The following EPHB1 variants were observed in gnomAD, a reference collection of about 807,000 sequenced individuals.
The protein encoded by EPHB1 is ephrin type-B receptor 1.
EPHB1 carries 30 observed loss-of-function variants against 94.4 expected under a neutral mutation model. That is an observed-to-expected ratio of 0.32 (90% CI 0.24 to 0.43). The LOEUF is 0.43. Ranked by LOEUF, EPHB1 falls within the 20% of genes least tolerant of loss-of-function variation. The pLI is 1.00. For missense variants in EPHB1, 1,055 were observed against 1,308.3 expected (o/e 0.81, Z 2.99); for synonymous variants, 522 against 489.1 (o/e 1.07, Z -0.89).
At chr3:135,052,810 A>G (rs1365763592) in intron 3 of EPHB1, among the ~76,000 whole-genome samples, 1 of 132,306 alleles carries the variant, frequency 7.6e-6, no homozygotes, top group African/African-American at 2.9e-5. Context: ...GCAGTGAGCC[A>G]AGATCATGCC....
intron 3 of EPHB1, among the ~76,000 whole-genome samples, chr3:134,983,322 T>C (rs1475347848): frequency 1.3e-5 from 2 of 152,384 alleles, no homozygotes; most frequent in East Asian, 3.9e-4. Flanking sequence ...AAGTGCTTAA[T>C]TGCATTTGCT....
At chr3:135,212,521 TG>T (rs2107716641) in intron 12 of EPHB1, among the ~76,000 whole-genome samples, 1 of 152,346 alleles carries the variant, frequency 6.6e-6, no homozygotes, top group South Asian at 2.1e-4. Context: ...CAGCTCTTTA[TG>T]GTTTTCAATC....
At chr3:134,803,220 C>T (rs567886806) in intron 1 of EPHB1, among the ~76,000 whole-genome samples, 5 of 152,314 alleles carry the variant, frequency 3.3e-5, no homozygotes, top group African/African-American at 1.2e-4. Flanking sequence ...TCTCATCTCT[C>T]CCCTCCCACT....
chr3:134,796,623 C>T (rs1275010868), intron 1 of EPHB1, among the ~76,000 whole-genome samples: 2 of 152,260 alleles, frequency 1.3e-5, no homozygotes, highest in Non-Finnish European at 2.9e-5. Flanking sequence ...GGCCCAGCTC[C>T]CCGCCTCCCG....
chr3:135,200,525 A>G (rs1942725541), intron 11 of EPHB1, among the ~76,000 whole-genome samples: 2 of 152,348 alleles, frequency 1.3e-5, no homozygotes, highest in Admixed American at 1.3e-4. Flanking sequence ...GGTGCTTTAC[A>G]TGCTTGATTT....
At chr3:135,218,321 C>T (rs1467677848) in intron 12 of EPHB1, among the ~76,000 whole-genome samples, 1 of 152,216 alleles carries the variant, frequency 6.6e-6, no homozygotes, top group Non-Finnish European at 1.5e-5. Context: ...TTGGCTCCTC[C>T]TTGCTCTGAT....
intron 9 of EPHB1, among the ~76,000 whole-genome samples, chr3:135,175,042 C>G (rs756481956): frequency 6.6e-6 from 1 of 152,160 alleles, no homozygotes; most frequent in Non-Finnish European, 1.5e-5. Context: ...TTTGTACTTC[C>G]TGAATGCACA....
intron 3 of EPHB1, among the ~76,000 whole-genome samples, chr3:135,084,259 A>T (rs1296512124): frequency 6.6e-6 from 1 of 152,182 alleles, no homozygotes. Flanking sequence ...TCTCTCCAGG[A>T]GGCCCAAATC....
chr3:134,871,803 C>T (rs894638454), intron 1 of EPHB1, among the ~76,000 whole-genome samples: 2 of 152,122 alleles, frequency 1.3e-5, no homozygotes, highest in South Asian at 2.1e-4. Flanking sequence ...TCCAAATGGG[C>T]GCTGCTCTTC....
intron 3 of EPHB1, among the ~76,000 whole-genome samples, chr3:135,020,473 C>T (rs945085055): frequency 6.6e-6 from 1 of 152,210 alleles, no homozygotes; most frequent in African/African-American, 2.4e-5. Context: ...ATCCATTTGC[C>T]ATCTCTATGG....
chr3:135,093,120 T>A (rs1199765981), intron 3 of EPHB1, among the ~76,000 whole-genome samples: 1 of 152,192 alleles, frequency 6.6e-6, no homozygotes, highest in Non-Finnish European at 1.5e-5. Flanking sequence ...CAGAAAGTGC[T>A]CCCCAGATGT....
intron 3 of EPHB1, among the ~76,000 whole-genome samples, chr3:135,083,059 C>G (rs1034603398): frequency 6.6e-6 from 1 of 152,156 alleles, no homozygotes; most frequent in African/African-American, 2.4e-5. Flanking sequence ...AAAGCCATGT[C>G]CAGCTGTGTT....
chr3:135,033,628 C>T (rs918570244), intron 3 of EPHB1, among the ~76,000 whole-genome samples: 45 of 152,266 alleles, frequency 3.0e-4, no homozygotes, highest in African/African-American at 9.4e-4. Flanking sequence ...AATTCTTCTT[C>T]GTAATGGATT....
At chr3:134,968,673 A>G (rs1013756981) in intron 3 of EPHB1, among the ~76,000 whole-genome samples, 2 of 152,202 alleles carry the variant, frequency 1.3e-5, no homozygotes, top group African/African-American at 2.4e-5. Context: ...TGTAACCACT[A>G]TCATAATTGG....
At chr3:134,926,654 T>A (rs1439923626) in intron 2 of EPHB1, among the ~76,000 whole-genome samples, 1 of 152,140 alleles carries the variant, frequency 6.6e-6, no homozygotes, top group Non-Finnish European at 1.5e-5. Flanking sequence ...GAGATGGGGC[T>A]GGAGGGTAAG....
At chr3:134,944,111 T>C (rs1247274037) in intron 2 of EPHB1, among the ~76,000 whole-genome samples, 1 of 152,196 alleles carries the variant, frequency 6.6e-6, no homozygotes, top group African/African-American at 2.4e-5. Context: ...TGCCAGTTTG[T>C]AGTCGCTCCC....
At chr3:135,029,790 A>G (rs1163998667) in intron 3 of EPHB1, among the ~76,000 whole-genome samples, 11 of 152,028 alleles carry the variant, frequency 7.2e-5, no homozygotes, top group East Asian at 1.9e-4. Flanking sequence ...GATTTGGGAA[A>G]TTCTCCTGGA....
At chr3:135,055,852 A>C (rs1001342074) in intron 3 of EPHB1, among the ~76,000 whole-genome samples, 1 of 152,102 alleles carries the variant, frequency 6.6e-6, no homozygotes, top group Non-Finnish European at 1.5e-5. Flanking sequence ...GCTCATCTTC[A>C]TGGCCTTTAG....
intron 1 of EPHB1, among the ~76,000 whole-genome samples, chr3:134,804,069 CTAT>C (rs1560240146): frequency 1.4e-4 from 7 of 51,830 alleles, no homozygotes; most frequent in Non-Finnish European, 2.1e-4. Flanking sequence ...TCATTATTGG[CTAT>C]TTTTTTTTTT....
Sources: gnomAD v4.1 joint callset for allele counts (sites outside exome capture counted in the v4.1 genomes callset) on GRCh38, gnomAD v4.1.1 for gene constraint, MANE v1.5 for transcripts, NCBI Gene and HGNC (gene_info 2026-07-23, HGNC 2026-07-21) for gene names.